CLK1: variants seen among roughly 807,000 people sequenced by gnomAD.
CLK1 encodes dual specificity protein kinase CLK1.
In CLK1, 40 loss-of-function variants were observed where a neutral mutation model predicts 60.9. The observed-to-expected ratio is 0.66, with a 90% CI of 0.51 to 0.86. CLK1 has a LOEUF of 0.86. Among genes scored for constraint, CLK1 ranks in the 40% least tolerant of loss-of-function variants. The pLI is 0.00. For synonymous variants in CLK1, 203 were observed against 184.4 expected, an observed-to-expected ratio of 1.10 and a Z score of -0.82; for missense variants, 563 against 606.1, an observed-to-expected ratio of 0.93 and a Z score of 0.75.
intron 1 of CLK1, chr2:200,864,239 C>T (rs2039191862): frequency 6.5e-7 from 1 of 1,540,364 alleles, no homozygotes; most frequent in African/African-American, 1.4e-5. Context: ...TACAGCTCCG[C>T]CGAGGCGGTT....
intron 1 of CLK1, chr2:200,864,260 C>G: frequency 6.6e-7 from 1 of 1,511,784 alleles, no homozygotes; most frequent in Non-Finnish European, 8.8e-7. Context: ...CACAACATGG[C>G]GCCCGCCCGA....
intron 9 of CLK1, 64 bp from the exon 10 acceptor site, chr2:200,855,150 T>C (rs1368664825): frequency 2.4e-6 from 3 of 1,270,544 alleles, no homozygotes; most frequent in Non-Finnish European, 3.4e-6. Flanking sequence ...AATTAAAAAG[T>C]TAGTTAACAC....
Position 200,856,908 on chromosome 2 carries a change from CCT to C in CLK1, c.908_909del (p.Glu303GlyfsTer3). On this transcript the variant is annotated frameshift_variant, in exon 8 of 13. Coordinates refer to ENST00000321356, the MANE Select transcript of CLK1 (RefSeq NM_004071.4). LOFTEE classifies it high-confidence loss of function. ...NILFVQSDYT[E>X]AYNPKIKRDE... ...AGACTTACTATTTTGGGATTATACG[CCT>C]CTGTGTAGTCAGACTGCACAAATAA... The C allele has an allele frequency of 6.2e-7, 1 of 1,614,078 alleles. No individual in the cohort carries two copies. The highest frequency in any genetic ancestry group is 8.5e-7 in the Non-Finnish European group (1 of 1,179,910).
chr2:200,855,697 A>C (rs2039029244), intron 9 of CLK1, among the ~76,000 whole-genome samples: 1 of 151,034 alleles, frequency 6.6e-6, no homozygotes, highest in African/African-American at 2.4e-5. Context: ...TAAAGCAATC[A>C]CTTAATCCAA....
chr2:200,856,898 G>C lies in CLK1; in HGVS notation c.920C>G (p.Pro307Arg). 1 of 1,614,014 alleles carries C rather than the reference G, an allele frequency of 6.2e-7. No homozygotes were observed. The highest frequency in any genetic ancestry group is 1.1e-5 in the South Asian group (1 of 91,066). ...VQSDYTEAYNPKIKRDERTLI... is the reference protein window; with the variant it reads ...VQSDYTEAYNRKIKRDERTLI... ...ATATTTTGGAAGACTTACTATTTTG[G>C]GATTATACGCCTCTGTGTAGTCAGA... Residue 307 changes from proline to arginine, a missense_variant, in exon 8 of 13, where the codon CCC (proline) becomes CGC (arginine). By Grantham distance (103) the Pro-to-Arg change is moderately radical. Coordinates refer to ENST00000321356, the MANE Select transcript of CLK1 (RefSeq NM_004071.4).
chr2:200,857,942 AC>A, intron 6 of CLK1, 30 bp downstream of exon 6: 1 of 1,610,902 alleles, frequency 6.2e-7, no homozygotes, highest in Non-Finnish European at 8.5e-7. Context: ...TATACCTGAT[AC>A]CACTTCCCAA....
At chr2:200,864,389 C>A (rs2039195639) in intron 1 of CLK1, 175 bp downstream of exon 1, 1 of 996,446 alleles carries the variant, frequency 1.0e-6, no homozygotes, top group African/African-American at 1.7e-5. Context: ...ACAGGCTCGG[C>A]CGCGCAGGAA....
At chr2:200,856,838 A>C in intron 8 of CLK1, 27 bp from the exon 9 acceptor site, 1 of 1,612,522 alleles carries the variant, frequency 6.2e-7, no homozygotes, top group Non-Finnish European at 8.5e-7. Flanking sequence ...ATGGTTAAGA[A>C]GGCATAAGCT....
intron 1 of CLK1, 125 bp from the exon 2 acceptor site, chr2:200,861,987 A>C (rs1363858906): frequency 1.4e-6 from 1 of 703,894 alleles, no homozygotes; most frequent in Non-Finnish European, 2.4e-6. Flanking sequence ...ATTATCACCC[A>C]ATCTGAAATC....
rs754996601 is a variant in CLK1 at position 200,854,611 on chromosome 2, C to T, written c.1220+5G>A. 18 of 1,560,270 alleles carry T rather than the reference C, an allele frequency of 1.2e-5. No individual in the cohort carries two copies. The highest frequency in any genetic ancestry group is 3.4e-4 in the Middle Eastern group (2 of 5,970). ...CTAAGGATGTCACTAACTCTTAAAACGTACCTGGTTTTCTGTATCATATGT... is the reference window on the plus strand; with the variant it reads ...CTAAGGATGTCACTAACTCTTAAAATGTACCTGGTTTTCTGTATCATATGT... On this transcript the variant is annotated splice_donor_5th_base_variant and intron_variant, in intron 11 of 12. Coordinates refer to ENST00000321356, the MANE Select transcript of CLK1 (RefSeq NM_004071.4).
intron 1 of CLK1, among the ~76,000 whole-genome samples, chr2:200,862,624 A>T (rs1350672799): frequency 1.3e-5 from 2 of 152,164 alleles, no homozygotes; most frequent in Non-Finnish European, 2.9e-5. Flanking sequence ...ATAAACAGCC[A>T]TGTTGCTCAC....
Position 200,856,620 on chromosome 2 carries a change from T to TA in CLK1, c.1057+61dup, listed in dbSNP as rs771728214. Reference sequence around the variant, plus strand: ...CCCCACAAGTAAGACCTAAAACTGCTAAAAAAATTTTAAGTCTCAATAAGG... The same window carrying TA: ...CCCCACAAGTAAGACCTAAAACTGCTAAAAAAAATTTTAAGTCTCAATAAGG... On this transcript the variant is annotated intron_variant, in intron 9 of 12. Transcript: ENST00000321356. 97 of 1,464,908 alleles carry TA rather than the reference T, an allele frequency of 6.6e-5. No individual in the cohort carries two copies. In the East Asian group the frequency reaches 7.5e-4, roughly 11 times the overall value. 90.7% of individuals were successfully genotyped at this position (1,464,908 alleles called of 1,614,324 possible).
intron 10 of CLK1, 80 bp downstream of exon 10, chr2:200,854,924 G>T: frequency 9.5e-7 from 1 of 1,048,660 alleles, no homozygotes; most frequent in African/African-American, 1.6e-5. Flanking sequence ...GTCTATAATG[G>T]GGGAAGCAAA....
chr2:200,857,124 G>C, intron 7 of CLK1, 139 bp from the exon 8 acceptor site: 1 of 664,718 alleles, frequency 1.5e-6, no homozygotes. Flanking sequence ...TGACCAATAT[G>C]GTGAAACCCT....
chr2:200,857,856 C>A lies in CLK1; in HGVS notation c.694G>T (p.Glu232Ter), dbSNP rs2039068831. 1.2e-6 allele frequency: 2 copies of A among 1,613,448 alleles called. No individual in the cohort carries two copies. Among genetic ancestry groups the A allele is most frequent in the South Asian group, 2.2e-5 (2 of 90,984 alleles). The change falls in exon 7 of 13, where the codon GAG (glutamate) becomes TAG (stop). Residue 232 changes from glutamate (E) to a stop codon, truncating the protein, a stop_gained. Coordinates refer to ENST00000321356, the MANE Select transcript of CLK1 (RefSeq NM_004071.4). LOFTEE classifies it high-confidence loss of function. ...ACAATGCAAATGTGACCATGATGCTCAAACCATTCCAACATCTGGACACAG... is the reference window on the plus strand; with the variant it reads ...ACAATGCAAATGTGACCATGATGCTAAAACCATTCCAACATCTGGACACAG... ...FRCVQMLEWF[E>*]HHGHICIVFE...
chr2:200,856,821 A>C lies in CLK1; in HGVS notation c.928-10T>G. The C allele has an allele frequency of 6.2e-7, 1 of 1,612,484 alleles. No individual in the cohort carries two copies. The highest frequency in any genetic ancestry group is 8.5e-7 in the Non-Finnish European group (1 of 1,179,070). ...TGCGTTCATCACGTTTCTGAAAATC[A>C]TAAATGATGGTTAAGAAGGCATAAG... On this transcript the variant is annotated splice_polypyrimidine_tract_variant and intron_variant, in intron 8 of 12. Transcript: ENST00000321356.
At chr2:200,856,571 T>A in intron 9 of CLK1, 111 bp downstream of exon 9, 1 of 808,006 alleles carries the variant, frequency 1.2e-6, no homozygotes, top group Non-Finnish European at 2.0e-6. Context: ...ATGATACTTA[T>A]CCCTTAAAGA....
intron 12 of CLK1, among the ~76,000 whole-genome samples, 172 bp downstream of exon 12, chr2:200,853,731 C>CA (rs2038990321): frequency 1.3e-5 from 2 of 148,314 alleles, no homozygotes; most frequent in African/African-American, 5.0e-5. Flanking sequence ...TCTGTAATCC[C>CA]AGCTACTTGG....
chr2:200,860,442 G>GA, intron 3 of CLK1: 1 of 1,256,202 alleles, frequency 8.0e-7, no homozygotes, highest in South Asian at 3.0e-5. Context: ...CAGATTTTCA[G>GA]ATAAGATACT....
Sources: allele counts gnomAD v4.1 joint callset (sites outside exome capture counted in the v4.1 genomes callset), GRCh38; gene constraint gnomAD v4.1.1; transcripts MANE v1.5; gene names NCBI Gene and HGNC (gene_info 2026-07-23, HGNC 2026-07-21).